TTLL1: variants seen among roughly 807,000 people sequenced by gnomAD.
TTLL1 encodes TTL family tubulin polyglutamylase complex subunit L1, also known as polyglutamylase complex subunit TTLL1.
A neutral mutation model predicts 47.8 loss-of-function variants in TTLL1; 33 were observed. That is an observed-to-expected ratio of 0.69 (90% CI 0.52 to 0.92). TTLL1 has a LOEUF of 0.92. TTLL1 is among the 40% of genes least tolerant of loss of function. The probability of loss-of-function intolerance (pLI) is 0.00; values close to 1 mark genes in which losing one functional copy is unlikely to be tolerated. For synonymous variants in TTLL1, 225 were observed against 214.1 expected (o/e 1.05, Z -0.45); for missense variants, 488 against 547.5 (o/e 0.89, Z 1.08).
intron 8 of TTLL1, among the ~76,000 whole-genome samples, chr22:43,052,932 T>C (rs1926742988): frequency 2.0e-5 from 3 of 151,920 alleles, no homozygotes; most frequent in Admixed American, 2.0e-4. Context: ...TGGTGGCGCG[T>C]GCCTGTAATC....
rs889961843 is a variant in TTLL1 at position 43,049,930 on chromosome 22, T to C, written c.978+1871A>G. On this transcript the variant is annotated intron_variant, in intron 9 of 10. Coordinates refer to ENST00000266254, the MANE Select transcript of TTLL1 (RefSeq NM_012263.5). ...GGGCAACATGGTGAAACCCCGTCTCTGCTAAAATACAAAAAATTAGCCAGG... is the reference window on the plus strand; with the variant it reads ...GGGCAACATGGTGAAACCCCGTCTCCGCTAAAATACAAAAAATTAGCCAGG... Among the ~76,000 whole-genome samples, 13 of 151,002 alleles carry C rather than the reference T, an allele frequency of 8.6e-5. No individual in the cohort carries two copies. In the Admixed American group the frequency reaches 8.6e-4, roughly 10 times the overall value.
chr22:43,054,491 C>T (rs1309977338), intron 8 of TTLL1, among the ~76,000 whole-genome samples: 1 of 148,744 alleles, frequency 6.7e-6, no homozygotes, highest in African/African-American at 2.5e-5. Context: ...ATGGCACGGT[C>T]TCGGCTGACT....
rs766204003 is a variant in TTLL1, at chr22:43,068,464, A to G, written c.449T>C (p.Leu150Pro). The change falls in exon 5 of 11, where the codon CTT (leucine) becomes CCT (proline). Residue 150 changes from leucine (L) to proline (P), a missense_variant. Coordinates refer to ENST00000266254, the MANE Select transcript of TTLL1 (RefSeq NM_012263.5). ...CGKAQGKGIF[L>P]INKLSQIKKW... The stretch of plus-strand genomic sequence containing the variant: ...TTTGATCTGTGAGAGCTTGTTGATA[A>G]GGAAGATGCCCTTTCCCTGGGCCTT... 3 of 1,565,858 alleles carry G rather than the reference A, an allele frequency of 1.9e-6. No individual in the cohort carries two copies. Among genetic ancestry groups the G allele is most frequent in the East Asian group, 4.6e-5 (2 of 43,766 alleles).
At chr22:43,041,468 CA>C (rs1925672411) in intron 10 of TTLL1, among the ~76,000 whole-genome samples, 1 of 151,454 alleles carries the variant, frequency 6.6e-6, no homozygotes, top group Admixed American at 6.6e-5. Context: ...GTATTTTCTG[CA>C]TTGTGCTTCT....
intron 9 of TTLL1, among the ~76,000 whole-genome samples, chr22:43,051,553 G>C (rs1051640989): frequency 6.6e-6 from 1 of 152,070 alleles, no homozygotes; most frequent in Non-Finnish European, 1.5e-5. Context: ...CCCTGGAGGA[G>C]TCATAGCCAC....
intron 3 of TTLL1, among the ~76,000 whole-genome samples, chr22:43,071,845 T>C (rs112233293): frequency 9.8e-5 from 15 of 152,356 alleles, no homozygotes; most frequent in African/African-American, 3.6e-4. Context: ...CCCAGAAGGC[T>C]TTCTTCATGT....
At chr22:43,057,863 G>A (rs1927123586) in intron 8 of TTLL1, among the ~76,000 whole-genome samples, 1 of 151,894 alleles carries the variant, frequency 6.6e-6, no homozygotes, top group Non-Finnish European at 1.5e-5. Flanking sequence ...TCCGGGGCCT[G>A]GGCCTCCGTT....
chr22:43,081,328 A>C (rs1479043554), intron 1 of TTLL1, among the ~76,000 whole-genome samples: 1 of 152,040 alleles, frequency 6.6e-6, no homozygotes, highest in Non-Finnish European at 1.5e-5. Context: ...GCCCTCAGTA[A>C]ATATTCAGTG....
intron 3 of TTLL1, 40 bp from the exon 4 acceptor site, chr22:43,069,884 C>A (rs1274962517): frequency 1.2e-6 from 2 of 1,608,934 alleles, no homozygotes; most frequent in East Asian, 2.2e-5. Flanking sequence ...GCAGTGATGT[C>A]TGTGTGGCAG....
At chr22:43,052,001 T>G in intron 8 of TTLL1, 114 bp from the exon 9 acceptor site, 11 of 903,478 alleles carry the variant, frequency 1.2e-5, no homozygotes, top group African/African-American at 1.6e-5. Context: ...CAGCACAGGT[T>G]CCCACCCTCC....
chr22:43,087,621 T>C (rs1435252464), intron 1 of TTLL1, among the ~76,000 whole-genome samples: 2 of 151,342 alleles, frequency 1.3e-5, no homozygotes, highest in African/African-American at 4.9e-5. Flanking sequence ...GTAGATCACC[T>C]GAGGTCAGGA....
chr22:43,063,758 A>G, intron 7 of TTLL1, 55 bp downstream of exon 7: 1 of 1,560,902 alleles, frequency 6.4e-7, no homozygotes, highest in Non-Finnish European at 8.8e-7. Context: ...GAGCCACCAC[A>G]CCCGGCCTGA....
intron 1 of TTLL1, among the ~76,000 whole-genome samples, chr22:43,087,475 C>T (rs1929297035): frequency 6.8e-6 from 1 of 147,584 alleles, no homozygotes; most frequent in Non-Finnish European, 1.5e-5. Context: ...AGTGAGCTGG[C>T]ATCACGCCAC....
At chr22:43,066,513 C>T (rs997937704) in intron 5 of TTLL1, among the ~76,000 whole-genome samples, 2 of 151,162 alleles carry the variant, frequency 1.3e-5, no homozygotes, top group Non-Finnish European at 3.0e-5. Context: ...CACTTGAGCC[C>T]GGGAATTTGA....
At chr22:43,060,979 TGAG>T (rs1927352662) in intron 7 of TTLL1, among the ~76,000 whole-genome samples, 1 of 152,120 alleles carries the variant, frequency 6.6e-6, no homozygotes, top group African/African-American at 2.4e-5. Flanking sequence ...GAGGATCACC[TGAG>T]GTCAGGAGTT....
intron 10 of TTLL1, among the ~76,000 whole-genome samples, chr22:43,042,323 G>A (rs951391649): frequency 4.6e-5 from 7 of 152,206 alleles, no homozygotes; most frequent in African/African-American, 1.4e-4. Flanking sequence ...AGCTGGCACC[G>A]GGATGCGCTG....
chr22:43,046,260 A>T, intron 10 of TTLL1, 150 bp downstream of exon 10: 1 of 802,414 alleles, frequency 1.2e-6, no homozygotes, highest in Non-Finnish European at 1.9e-6. Flanking sequence ...CTTTTCTGCT[A>T]CAACAAGATC....
chr22:43,040,011 C>T, intron 10 of TTLL1, 106 bp from the exon 11 acceptor site: 1 of 1,489,940 alleles, frequency 6.7e-7, no homozygotes, highest in Non-Finnish European at 9.0e-7. Context: ...GAGAAGCGGC[C>T]TGAGGGGGCC....
chr22:43,052,236 C>T, intron 8 of TTLL1: 1 of 325,698 alleles, frequency 3.1e-6, no homozygotes, highest in Non-Finnish European at 6.0e-6. Flanking sequence ...AAGGTCTGTG[C>T]AGCCTTATCA....
Sources: gnomAD v4.1 joint callset for allele counts (sites outside exome capture counted in the v4.1 genomes callset) on GRCh38, gnomAD v4.1.1 for gene constraint, MANE v1.5 for transcripts, NCBI Gene and HGNC (gene_info 2026-07-23, HGNC 2026-07-21) for gene names.